The following RAB3IP variants were observed in gnomAD, a reference collection of about 807,000 sequenced individuals.
RAB3IP encodes RAB3A interacting protein.
RAB3IP carries 36 observed loss-of-function variants against 59.1 expected under a neutral mutation model. The observed-to-expected ratio is 0.61, with a 90% confidence interval of 0.47 to 0.80. The LOEUF (loss-of-function observed/expected upper bound fraction) is 0.80. RAB3IP is among the 30% of genes least tolerant of loss of function. The pLI is 0.00. For synonymous variants in RAB3IP, 207 were observed against 191.2 expected (o/e 1.08, Z -0.68); for missense variants, 511 against 536.0 (o/e 0.95, Z 0.46).
intron 8 of RAB3IP, among the ~76,000 whole-genome samples, chr12:69,808,145 T>C (rs1879780504): frequency 6.6e-6 from 1 of 152,248 alleles, no homozygotes; most frequent in South Asian, 2.1e-4. Context: ...CATTTTGTTA[T>C]GTACCCAGTA....
intron 1 of RAB3IP, among the ~76,000 whole-genome samples, chr12:69,753,810 A>G (rs1370435228): frequency 6.6e-6 from 1 of 152,230 alleles, no homozygotes; most frequent in Non-Finnish European, 1.5e-5. Context: ...GGGAAAATCA[A>G]TAAAGAATTT....
At chr12:69,784,398 TAAAGG>T (rs966079919) in intron 3 of RAB3IP, among the ~76,000 whole-genome samples, 2 of 150,986 alleles carry the variant, frequency 1.3e-5, no homozygotes, top group African/African-American at 4.8e-5. Context: ...AGCAAAAAGT[TAAAGG>T]AAAAAAAGAA....
intron 8 of RAB3IP, among the ~76,000 whole-genome samples, chr12:69,808,083 A>G (rs1190577765): frequency 1.3e-5 from 2 of 152,188 alleles, no homozygotes; most frequent in Non-Finnish European, 2.9e-5. Context: ...AGATTCTGGT[A>G]TGTTGTGTCT....
At chr12:69,741,941 C>T (rs1265611344) in intron 1 of RAB3IP, among the ~76,000 whole-genome samples, 1 of 152,068 alleles carries the variant, frequency 6.6e-6, no homozygotes, top group Non-Finnish European at 1.5e-5. Flanking sequence ...ATTGTGTCAC[C>T]AGAGATTTTT....
intron 4 of RAB3IP, among the ~76,000 whole-genome samples, chr12:69,791,526 C>T (rs1170987129): frequency 6.6e-6 from 1 of 152,148 alleles, no homozygotes; most frequent in Non-Finnish European, 1.5e-5. Flanking sequence ...AGACATTTCT[C>T]CTAAGAAGAC....
At chr12:69,812,578 A>T in intron 8 of RAB3IP, 200 bp from the exon 9 acceptor site, 1 of 523,378 alleles carries the variant, frequency 1.9e-6, no homozygotes, top group Non-Finnish European at 3.4e-6. Context: ...CATTAAACTT[A>T]TACTACTAAT....
At chr12:69,755,752 T>G (rs1870105518) in intron 2 of RAB3IP, 93 bp downstream of exon 2, 11 of 1,082,148 alleles carry the variant, frequency 1.0e-5, no homozygotes, top group Non-Finnish European at 2.6e-6. Context: ...TTAGAAAATT[T>G]GAATAACTTA....
chr12:69,773,356 C>G (rs1201738294), intron 3 of RAB3IP, among the ~76,000 whole-genome samples: 1 of 100,962 alleles, frequency 9.9e-6, no homozygotes, highest in Non-Finnish European at 2.2e-5. Context: ...TGAAAATGTT[C>G]TGTTATTATT....
At chr12:69,752,561 G>A (rs1046207530) in intron 1 of RAB3IP, among the ~76,000 whole-genome samples, 1 of 152,118 alleles carries the variant, frequency 6.6e-6, no homozygotes, top group Non-Finnish European at 1.5e-5. Context: ...TTAGGATAAA[G>A]CCCCAGGAGT....
chr12:69,819,593 A>G lies in RAB3IP; in HGVS notation c.*4147A>G, dbSNP rs551940444. 4 of 152,564 alleles carry G rather than the reference A, an allele frequency of 2.6e-5. No homozygotes were observed. The South Asian group carries it at 8.3e-4, about 32-fold the overall frequency. The allele number at this position is 152,564 out of a possible 1,614,324, so 9.5% of individuals were successfully genotyped here. A position where few individuals can be genotyped will look rare whatever the true frequency, so the allele number is the denominator to read the frequency against. Reference sequence around the variant, plus strand: ...GACAGAGAAGCAGCCTGCAAAGACGAAAGGAGGAGCTGTTAGGAAGAGCAA... The same window carrying G: ...GACAGAGAAGCAGCCTGCAAAGACGGAAGGAGGAGCTGTTAGGAAGAGCAA... On this transcript the variant is annotated 3_prime_UTR_variant, in exon 11 of 11. Coordinates refer to ENST00000247833, the MANE Select transcript of RAB3IP (RefSeq NM_022456.5).
chr12:69,750,812 G>A (rs1347587498), intron 1 of RAB3IP, among the ~76,000 whole-genome samples: 1 of 150,058 alleles, frequency 6.7e-6, no homozygotes, highest in East Asian at 2.0e-4. Flanking sequence ...CATAATGTTT[G>A]ATTGTCTCCG....
At chr12:69,779,992 C>T (rs887994758) in intron 3 of RAB3IP, among the ~76,000 whole-genome samples, 1 of 152,164 alleles carries the variant, frequency 6.6e-6, no homozygotes, top group Non-Finnish European at 1.5e-5. Context: ...GTGGGCCTAT[C>T]TAGAGATCTA....
At chr12:69,749,071 A>G (rs1223106961) in intron 1 of RAB3IP, among the ~76,000 whole-genome samples, 1 of 152,220 alleles carries the variant, frequency 6.6e-6, no homozygotes, top group Non-Finnish European at 1.5e-5. Context: ...GCTATATAAC[A>G]GGGGTCCCCA....
chr12:69,759,048 G>A (rs1222448123), intron 3 of RAB3IP, among the ~76,000 whole-genome samples: 2 of 150,330 alleles, frequency 1.3e-5, no homozygotes, highest in East Asian at 3.9e-4. Context: ...GATTTGGCAG[G>A]GTCATAGGAC....
intron 3 of RAB3IP, among the ~76,000 whole-genome samples, chr12:69,771,920 C>G (rs1592516536): frequency 1.3e-5 from 2 of 152,128 alleles, no homozygotes; most frequent in Middle Eastern, 6.8e-3. Context: ...TTTCATATAC[C>G]TGTTGGCCAT....
chr12:69,795,385 T>A, intron 6 of RAB3IP, 41 bp downstream of exon 6: 3 of 1,502,670 alleles, frequency 2.0e-6, no homozygotes, highest in Non-Finnish European at 2.8e-6. Context: ...CTGTTGATAC[T>A]TGTTAGTTCT....
At chr12:69,792,304 CA>C (rs201922857) in intron 4 of RAB3IP, among the ~76,000 whole-genome samples, 3 of 151,052 alleles carry the variant, frequency 2.0e-5, no homozygotes, top group Non-Finnish European at 3.0e-5. Flanking sequence ...ACCTCCCCTC[CA>C]AAAAAAAGGT....
At chr12:69,753,466 C>T (rs1869666942) in intron 1 of RAB3IP, among the ~76,000 whole-genome samples, 2 of 152,152 alleles carry the variant, frequency 1.3e-5, no homozygotes, top group Admixed American at 6.5e-5. Context: ...TCTCCTGCCT[C>T]AGCCTTCCGA....
chr12:69,741,912 A>G (rs1286563746), intron 1 of RAB3IP, among the ~76,000 whole-genome samples: 1 of 152,214 alleles, frequency 6.6e-6, no homozygotes, highest in African/African-American at 2.4e-5. Context: ...ACGTAATGTT[A>G]ATGTAATATG....
Sources: gnomAD v4.1 joint callset for allele counts (sites outside exome capture counted in the v4.1 genomes callset) on GRCh38, gnomAD v4.1.1 for gene constraint, MANE v1.5 for transcripts, NCBI Gene and HGNC (gene_info 2026-07-23, HGNC 2026-07-21) for gene names.